CD8B2: variants seen among roughly 807,000 people sequenced by gnomAD.
The protein encoded by CD8B2 is T-cell surface glycoprotein CD8 beta-2 chain.
A neutral mutation model predicts 23.7 loss-of-function variants in CD8B2; 11 were observed. The observed-to-expected ratio is 0.46, with a 90% CI of 0.29 to 0.77. The LOEUF is 0.77. CD8B2 is among the 30% of genes least tolerant of loss of function. The pLI, the probability that CD8B2 is intolerant of heterozygous loss-of-function variation, is 0.09. For synonymous variants in CD8B2, 90 were observed against 109.3 expected (o/e 0.82, Z 1.10); for missense variants, 197 against 270.5 (o/e 0.73, Z 1.91).
At chr2:106,495,772 T>C (rs2104552918) in intron 2 of CD8B2, among the ~76,000 whole-genome samples, 1 of 152,136 alleles carries the variant, frequency 6.6e-6, no homozygotes, top group Non-Finnish European at 1.5e-5. Context: ...CTTCAGTACT[T>C]GGATGTAAGA....
chr2:106,511,651 A>G (rs1263593281), downstream of CD8B2, among the ~76,000 whole-genome samples: 1 of 152,122 alleles, frequency 6.6e-6, no homozygotes, highest in South Asian at 2.1e-4. Context: ...GTGGGCTGCA[A>G]AGCTGATCCG....
At position 106,508,137 on chromosome 2, in the gene CD8B2, C is replaced by T. The variant is rs1354801910; in HGVS notation, c.*1197C>T. ...AAAAGTGCCTGAGACCCATCTTAGC[C>T]GCCCCTACCTGAGCTTTAGCAGCCT... is the stretch of plus-strand genomic sequence containing the variant. On this transcript the variant is annotated 3_prime_UTR_variant, in exon 6 of 6. Coordinates refer to ENST00000643224, the MANE Select transcript of CD8B2 (RefSeq NM_001349727.2). The T allele has an allele frequency of 1.3e-5, 2 of 150,100 alleles. No individual in the cohort carries two copies. Among genetic ancestry groups the T allele is most frequent in the South Asian group, 2.1e-4 (1 of 4,662 alleles). 9.3% of individuals were successfully genotyped at this position (150,100 alleles called of 1,614,324 possible). A position where few individuals can be genotyped will look rare whatever the true frequency, so the allele number is the denominator to read the frequency against.
chr2:106,519,814 G>A lies in CD8B2; in HGVS notation c.620+15489G>A, dbSNP rs563489027. On this transcript the variant is annotated intron_variant, in intron 5 of 5. Transcript: ENST00000416057. ...AAAAAAATTGCAAAATAAACTCAATGTTTTAAGGAAGTTTACAAATTTGTG... is the reference window on the plus strand; with the variant it reads ...AAAAAAATTGCAAAATAAACTCAATATTTTAAGGAAGTTTACAAATTTGTG... Among the ~76,000 whole-genome samples the A allele has an allele frequency of 5.9e-5, 9 of 152,344 alleles. No homozygotes were observed. In the South Asian group the frequency reaches 1.9e-3, roughly 32 times the overall value.
At chr2:106,516,966 A>G (rs1220204295) in intron 5 of CD8B2, among the ~76,000 whole-genome samples, 1 of 148,156 alleles carries the variant, frequency 6.7e-6, no homozygotes, top group Non-Finnish European at 1.5e-5. Context: ...TATAATATAT[A>G]ATATATATTT....
chr2:106,537,579 CT>C (rs1163998910), intron 5 of CD8B2, among the ~76,000 whole-genome samples: 1 of 152,184 alleles, frequency 6.6e-6, no homozygotes, highest in Non-Finnish European at 1.5e-5. Flanking sequence ...CTTAAAATCT[CT>C]TTTTACTTGG....
chr2:106,517,736 A>G (rs1437703844), intron 5 of CD8B2, among the ~76,000 whole-genome samples: 2 of 151,518 alleles, frequency 1.3e-5, no homozygotes, highest in Non-Finnish European at 2.9e-5. Flanking sequence ...GTTTTGAGAC[A>G]GGGTGTCGCT....
At chr2:106,521,270 T>G (rs1679822246) in intron 5 of CD8B2, among the ~76,000 whole-genome samples, 1 of 152,120 alleles carries the variant, frequency 6.6e-6, no homozygotes, top group African/African-American at 2.4e-5. Context: ...GGCACCATGT[T>G]TTCTGCTCCC....
downstream of CD8B2, among the ~76,000 whole-genome samples, chr2:106,513,343 C>T (rs950079207): frequency 3.9e-5 from 6 of 152,104 alleles, no homozygotes; most frequent in African/African-American, 1.4e-4. Context: ...CTGGCACTTG[C>T]GTGGCTCCAA....
chr2:106,520,067 A>G (rs148644234), intron 5 of CD8B2, among the ~76,000 whole-genome samples: 24 of 152,328 alleles, frequency 1.6e-4, no homozygotes, highest in African/African-American at 5.5e-4. Context: ...ACCCCAGGAC[A>G]GTGTAGACCA....
intron 5 of CD8B2, among the ~76,000 whole-genome samples, chr2:106,535,613 C>G (rs374811361): frequency 6.6e-6 from 1 of 152,104 alleles, no homozygotes; most frequent in Non-Finnish European, 1.5e-5. Flanking sequence ...TTCCTTTGTT[C>G]CCACGCTTGG....
chr2:106,541,497 A>G (rs1680173365), intron 5 of CD8B2, among the ~76,000 whole-genome samples: 1 of 152,198 alleles, frequency 6.6e-6, no homozygotes, highest in Non-Finnish European at 1.5e-5. Context: ...GTTGCTAAAC[A>G]TTGTGCAATG....
In CD8B2 at chr2:106,508,481, T is replaced by C. The variant is rs1296576099; in HGVS notation, c.*1541T>C. ...TGCAGTGTTACCGGAAGGAGGGCCT[T>C]GAGTGTAAGTTGTCCAGGTCCTTGG... On this transcript the variant is annotated 3_prime_UTR_variant, in exon 6 of 6. Transcript: ENST00000643224. The C allele has an allele frequency of 6.6e-6, 1 of 151,988 alleles. No individual in the cohort carries two copies. Among genetic ancestry groups the C allele is most frequent in the Non-Finnish European group, 1.5e-5 (1 of 68,006 alleles). The allele number at this position is 151,988 out of a possible 1,614,324, so 9.4% of individuals were successfully genotyped here.
chr2:106,494,701 C>T lies in CD8B2; in HGVS notation c.404-1472C>T, dbSNP rs192117076. ...CGGCCCACTGCCCCTCCCAACACTTCAGCAGGGGTCACTGGGTAAAAATGA... is the reference window on the plus strand; with the variant it reads ...CGGCCCACTGCCCCTCCCAACACTTTAGCAGGGGTCACTGGGTAAAAATGA... On this transcript the variant is annotated intron_variant, in intron 2 of 5. Coordinates refer to ENST00000643224, the MANE Select transcript of CD8B2 (RefSeq NM_001349727.2). Among the ~76,000 whole-genome samples the T allele has an allele frequency of 2.4e-3, 359 of 152,174 alleles. 1 individual carries two copies. The highest frequency in any genetic ancestry group is 4.2e-3 in the Non-Finnish European group (283 of 68,014).
chr2:106,535,639 A>G (rs1680076284), intron 5 of CD8B2, among the ~76,000 whole-genome samples: 1 of 152,198 alleles, frequency 6.6e-6, no homozygotes, highest in Non-Finnish European at 1.5e-5. Context: ...CATCTTACCC[A>G]GTTGCATAAA....
At chr2:106,535,200 A>G (rs1245270522) in intron 5 of CD8B2, 1 of 152,044 alleles carries the variant, frequency 6.6e-6, no homozygotes, top group Non-Finnish European at 1.5e-5. Flanking sequence ...CTTCCTCTCC[A>G]TGTGTGTTAC....
chr2:106,524,723 C>T (rs1017714746), intron 5 of CD8B2, among the ~76,000 whole-genome samples: 2 of 152,192 alleles, frequency 1.3e-5, no homozygotes, highest in Non-Finnish European at 2.9e-5. Flanking sequence ...CCTTGCATCT[C>T]CAGGCTCTGA....
chr2:106,525,524 T>C (rs1007360201), intron 5 of CD8B2, among the ~76,000 whole-genome samples: 3 of 152,182 alleles, frequency 2.0e-5, no homozygotes, highest in African/African-American at 7.2e-5. Context: ...TCATGGCATT[T>C]AGTGCAGTGA....
chr2:106,522,716 C>A (rs1679846077), intron 5 of CD8B2, among the ~76,000 whole-genome samples: 1 of 152,138 alleles, frequency 6.6e-6, no homozygotes, highest in African/African-American at 2.4e-5. Flanking sequence ...ACTTCACAGG[C>A]CTTACTTGAC....
At chr2:106,520,238 A>G (rs936211012) in intron 5 of CD8B2, among the ~76,000 whole-genome samples, 2 of 152,252 alleles carry the variant, frequency 1.3e-5, no homozygotes, top group Admixed American at 6.5e-5. Flanking sequence ...AGACCCAATA[A>G]ATAAAATCTG....
Sources: gnomAD v4.1 joint callset for allele counts (sites outside exome capture counted in the v4.1 genomes callset) on GRCh38, gnomAD v4.1.1 for gene constraint, MANE v1.5 for transcripts, NCBI Gene and HGNC (gene_info 2026-07-23, HGNC 2026-07-21) for gene names.